Variants in BTRC observed in about 807,000 individuals in gnomAD.
The protein encoded by BTRC is F-box/WD repeat-containing protein 1A.
Under a neutral mutation model 85.5 loss-of-function variants are expected in BTRC, and 42 were observed. That is an observed-to-expected ratio of 0.49 (90% confidence interval 0.38 to 0.64). The LOEUF (loss-of-function observed/expected upper bound fraction) is 0.64, where lower values mean the gene tolerates loss of function less well. Among genes scored for constraint, BTRC ranks in the 30% least tolerant of loss-of-function variants. BTRC has a pLI of 0.00. For missense variants in BTRC, 594 were observed against 743.5 expected (o/e 0.80, Z 2.34); for synonymous variants, 255 against 263.3 (o/e 0.97, Z 0.30).
At chr10:101,524,987 G>C (rs1330775386) in intron 5 of BTRC, among the ~76,000 whole-genome samples, 1 of 152,174 alleles carries the variant, frequency 6.6e-6, no homozygotes, top group Non-Finnish European at 1.5e-5. Flanking sequence ...TTCTTGTTAA[G>C]TTTGTGCCTA....
chr10:101,501,120 G>A (rs570457516), intron 4 of BTRC, among the ~76,000 whole-genome samples: 3 of 152,156 alleles, frequency 2.0e-5, no homozygotes, highest in South Asian at 2.1e-4. Flanking sequence ...CTGAACCTGC[G>A]GGGCAGAGGT....
intron 1 of BTRC, among the ~76,000 whole-genome samples, chr10:101,358,068 G>A (rs559032207): frequency 6.6e-6 from 1 of 152,192 alleles, no homozygotes; most frequent in East Asian, 1.9e-4. Flanking sequence ...GCACGTTTAA[G>A]ATAGGGGTTG....
In BTRC at chr10:101,479,470, G is replaced by T; in HGVS notation, c.324+13G>T. 6.3e-7 allele frequency: 1 copy of T among 1,592,142 alleles called. No individual in the cohort carries two copies. Among genetic ancestry groups the T allele is most frequent in the South Asian group, 1.1e-5 (1 of 90,558 alleles). ...TTGTGTGGCCAAAGTAAGTAATATT[G>T]CTCATCAATGTATATTACACCACAC... is the stretch of plus-strand genomic sequence containing the variant. On this transcript the variant is annotated intron_variant, in intron 4 of 14. Transcript: ENST00000370187.
rs797017565 is a variant in BTRC, at chr10:101,509,276, A to G, written c.325-12363A>G. On this transcript the variant is annotated intron_variant, in intron 4 of 14. Coordinates refer to ENST00000370187, the MANE Select transcript of BTRC (RefSeq NM_033637.4). The stretch of plus-strand genomic sequence containing the variant: ...TTTTTTTTTTTTTTTTTTTTTTGAG[A>G]CAGAGTCTCGCTCTGTCGCCCAGGC... Among the ~76,000 whole-genome samples the G allele has an allele frequency of 4.2e-3, 397 of 95,278 alleles. 4 individuals carry two copies. The highest frequency in any genetic ancestry group is 0.018 in the African/African-American group (371 of 20,812). 62.5% of individuals were successfully genotyped at this position (95,278 alleles called of 152,430 possible). A position where few individuals can be genotyped will look rare whatever the true frequency, so the allele number is the denominator to read the frequency against.
At chr10:101,492,834 T>C (rs974597873) in intron 4 of BTRC, among the ~76,000 whole-genome samples, 2 of 152,184 alleles carry the variant, frequency 1.3e-5, no homozygotes, top group Non-Finnish European at 2.9e-5. Flanking sequence ...TGGTATGCTT[T>C]TCAAAGGTTT....
chr10:101,436,625 A>ATAG (rs1554877658), intron 2 of BTRC, among the ~76,000 whole-genome samples: 2 of 146,972 alleles, frequency 1.4e-5, no homozygotes, highest in South Asian at 4.4e-4. Context: ...AATTAAAAAA[A>ATAG]ATAGATAGAT....
At chr10:101,371,926 C>T (rs570580172) in intron 1 of BTRC, among the ~76,000 whole-genome samples, 64 of 152,176 alleles carry the variant, frequency 4.2e-4, no homozygotes, top group African/African-American at 1.3e-3. Context: ...AAAACCCAAT[C>T]GTCATGCTTA....
chr10:101,546,789 C>T (rs1390445350), intron 13 of BTRC, among the ~76,000 whole-genome samples: 1 of 152,082 alleles, frequency 6.6e-6, no homozygotes, highest in Non-Finnish European at 1.5e-5. Flanking sequence ...GAGTCTCTAG[C>T]CAGACTATGA....
rs35213665 is a variant in BTRC, at chr10:101,519,074, C to CTTT, written c.325-2546_325-2544dup. Among the ~76,000 whole-genome samples the CTTT allele has an allele frequency of 9.5e-4, 100 of 104,914 alleles. 2 individuals are homozygous for CTTT. The highest frequency in any genetic ancestry group is 1.3e-3 in the Non-Finnish European group (69 of 52,210). 68.8% of individuals were successfully genotyped at this position (104,914 alleles called of 152,430 possible). On this transcript the variant is annotated intron_variant, in intron 4 of 14. Transcript: ENST00000370187. Reference sequence around the variant, plus strand: ...CTCAGAGGGAAAATCCTCTTCTCAGCTTTTTTTTTTTTTTTTTTTTTGAGA... The same window carrying CTTT: ...CTCAGAGGGAAAATCCTCTTCTCAGCTTTTTTTTTTTTTTTTTTTTTTTTGAGA...
At chr10:101,500,620 C>T (rs1449124598) in intron 4 of BTRC, among the ~76,000 whole-genome samples, 1 of 152,032 alleles carries the variant, frequency 6.6e-6, no homozygotes, top group Non-Finnish European at 1.5e-5. Context: ...AGAAATGAGG[C>T]ATATTGAAAC....
chr10:101,524,632 C>G (rs1419695355), intron 5 of BTRC, among the ~76,000 whole-genome samples: 1 of 152,094 alleles, frequency 6.6e-6, no homozygotes, highest in Non-Finnish European at 1.5e-5. Flanking sequence ...GTGAAATGAT[C>G]AGGAACAATT....
chr10:101,468,552 C>G (rs889498966), intron 3 of BTRC, among the ~76,000 whole-genome samples: 1 of 152,192 alleles, frequency 6.6e-6, no homozygotes, highest in East Asian at 1.9e-4. Context: ...AAACCCACTT[C>G]CAGCTTCCTT....
At chr10:101,527,795 T>TACACAC (rs5787437) in intron 6 of BTRC, among the ~76,000 whole-genome samples, 86 of 145,288 alleles carry the variant, frequency 5.9e-4, no homozygotes, top group Non-Finnish European at 9.8e-4. Flanking sequence ...CTCTCTCACA[T>TACACAC]ACACACACAC....
At chr10:101,514,758 A>G (rs2062000392) in intron 4 of BTRC, among the ~76,000 whole-genome samples, 1 of 151,220 alleles carries the variant, frequency 6.6e-6, no homozygotes, top group African/African-American at 2.4e-5. Flanking sequence ...TGGCCTCCCC[A>G]TTGAATTATC....
intron 2 of BTRC, among the ~76,000 whole-genome samples, chr10:101,449,085 A>G (rs559089563): frequency 6.6e-6 from 1 of 152,154 alleles, no homozygotes; most frequent in African/African-American, 2.4e-5. Flanking sequence ...ACACCTAAAC[A>G]CAGATCTTAA....
intron 4 of BTRC, among the ~76,000 whole-genome samples, chr10:101,510,427 G>A (rs975898124): frequency 2.7e-5 from 4 of 150,532 alleles, no homozygotes; most frequent in South Asian, 2.1e-4. Context: ...GGAGAATGGC[G>A]TGAACCCAGG....
At position 101,449,348 on chromosome 10, in the gene BTRC, T is replaced by C. The variant is rs1476936073; in HGVS notation, c.157-12633T>C. On this transcript the variant is annotated intron_variant, in intron 2 of 14. Coordinates refer to ENST00000370187, the MANE Select transcript of BTRC (RefSeq NM_033637.4). ...TCATCAGAGAGAAAGAATTTTGTCA[T>C]ACGTCCTAAGGGTTCTATAGTTCTC... Among the ~76,000 whole-genome samples, 3 of 152,186 alleles carry C rather than the reference T, an allele frequency of 2.0e-5. No homozygotes were observed. The East Asian group carries it at 5.8e-4, about 29-fold the overall frequency.
intron 1 of BTRC, among the ~76,000 whole-genome samples, chr10:101,427,541 T>C (rs1374361035): frequency 6.6e-6 from 1 of 151,520 alleles, no homozygotes; most frequent in Non-Finnish European, 1.5e-5. Context: ...TCTTTCTTCT[T>C]TCTTTCCACA....
At chr10:101,438,085 G>C (rs563001168) in intron 2 of BTRC, among the ~76,000 whole-genome samples, 1 of 152,104 alleles carries the variant, frequency 6.6e-6, no homozygotes, top group Non-Finnish European at 1.5e-5. Flanking sequence ...AAAAATTCCT[G>C]ATTGGGTCTA....
Sources: gnomAD v4.1 joint callset for allele counts (sites outside exome capture counted in the v4.1 genomes callset) on GRCh38, gnomAD v4.1.1 for gene constraint, MANE v1.5 for transcripts, NCBI Gene and HGNC (gene_info 2026-07-23, HGNC 2026-07-21) for gene names.